TRPV2: variants seen among roughly 807,000 people sequenced by gnomAD.
The protein encoded by TRPV2 is OTRPC2.
TRPV2 carries 58 observed loss-of-function variants against 91.0 expected under a neutral mutation model. The observed-to-expected ratio is 0.64, with a 90% CI of 0.52 to 0.79. The LOEUF (loss-of-function observed/expected upper bound fraction) is 0.79. TRPV2 is among the 30% of genes least tolerant of loss of function. TRPV2 has a pLI of 0.00. For missense variants in TRPV2, 807 were observed against 969.6 expected, an observed-to-expected ratio of 0.83 and a Z score of 2.23; for synonymous variants, 417 against 414.8, an observed-to-expected ratio of 1.01 and a Z score of -0.06.
chr17:16,431,281 ATATATACATATTTTTTTT>A (rs1160768924), intron 10 of TRPV2, among the ~76,000 whole-genome samples: 2 of 59,460 alleles, frequency 3.4e-5, no homozygotes, highest in African/African-American at 6.7e-5. Flanking sequence ...ATATATATAT[ATATATACATATTTTTTTT>A]TTTTTTTTTT....
At chr17:16,423,134 C>T (rs973093702) in intron 4 of TRPV2, among the ~76,000 whole-genome samples, 10 of 152,240 alleles carry the variant, frequency 6.6e-5, no homozygotes, top group African/African-American at 2.4e-4. Context: ...TGTGTGCCAC[C>T]ACATCCAGCA....
In TRPV2 at chr17:16,433,609, T is replaced by C. The variant is rs142650878; in HGVS notation, c.2025T>C (p.Tyr675=). The change falls in exon 13 of 15, where the codon TAT becomes TAC. Residue 675 remains tyrosine, a synonymous_variant. Transcript: ENST00000338560. The part of the protein sequence containing the change: ...AISVLEMENG[Y]WWCRKKQRAG... ...CTGTCCTGGAGATGGAGAATGGCTATTGGTGGTGCAGGAAGAAGCAGCGGG... is the reference window on the plus strand; with the variant it reads ...CTGTCCTGGAGATGGAGAATGGCTACTGGTGGTGCAGGAAGAAGCAGCGGG... The C allele has an allele frequency of 6.2e-6, 10 of 1,614,032 alleles. No individual in the cohort carries two copies. The highest frequency in any genetic ancestry group is 1.1e-5 in the South Asian group (1 of 91,088).
chr17:16,433,768 C>T (rs2142999645), intron 13 of TRPV2, 70 bp downstream of exon 13: 4 of 1,575,118 alleles, frequency 2.5e-6, no homozygotes, highest in Non-Finnish European at 3.4e-6. Flanking sequence ...CCCTGCAGTG[C>T]AGGGCACAGC....
chr17:16,418,193 T>C (rs867532827), intron 2 of TRPV2, among the ~76,000 whole-genome samples: 2 of 152,074 alleles, frequency 1.3e-5, no homozygotes, highest in Admixed American at 6.5e-5. Context: ...ATGGTCCCTG[T>C]TGGGGAAGGC....
intron 2 of TRPV2, among the ~76,000 whole-genome samples, chr17:16,419,691 G>T (rs1395977067): frequency 6.6e-6 from 1 of 152,212 alleles, no homozygotes; most frequent in African/African-American, 2.4e-5. Context: ...AGGCAGTGAT[G>T]CATGCAGCCA....
intron 2 of TRPV2, 103 bp from the exon 3 acceptor site, chr17:16,420,012 G>A: frequency 1.3e-6 from 2 of 1,486,850 alleles, no homozygotes; most frequent in Non-Finnish European, 1.8e-6. Context: ...TGAGGGGTGT[G>A]CAGTGTGTAC....
intron 13 of TRPV2, 174 bp from the exon 14 acceptor site, chr17:16,434,716 C>G (rs2093428111): frequency 7.1e-6 from 4 of 559,820 alleles, no homozygotes; most frequent in Non-Finnish European, 1.2e-5. Flanking sequence ...CAGGACAGGG[C>G]TCCAAGTGGG....
chr17:16,424,156 A>AT (rs1437006794), intron 5 of TRPV2, among the ~76,000 whole-genome samples: 5 of 126,820 alleles, frequency 3.9e-5, no homozygotes, highest in Admixed American at 8.1e-5. Flanking sequence ...CACCCAGCTA[A>AT]TTTTGTTTTT....
In TRPV2 at chr17:16,434,930, C is replaced by T. The variant is rs529598821; in HGVS notation, c.2155C>T (p.Pro719Ser). 1.2e-6 allele frequency: 2 copies of T among 1,611,968 alleles called. No homozygotes were observed. The highest frequency in any genetic ancestry group is 1.7e-5 in the Admixed American group (1 of 59,828). ...VNWASWEQTL[P>S]TLCEDPSGAG... Reference sequence around the variant, plus strand: ...CTGGGCTTCATGGGAGCAGACGCTGCCTACGCTGTGTGAGGACCCGTCAGG... The same window carrying T: ...CTGGGCTTCATGGGAGCAGACGCTGTCTACGCTGTGTGAGGACCCGTCAGG... The change falls in exon 14 of 15, where the codon CCT becomes TCT. Residue 719 changes from proline to serine, a missense_variant. Physicochemically the swap from Pro to Ser is moderately conservative, Grantham distance 74. Coordinates refer to ENST00000338560, the MANE Select transcript of TRPV2 (RefSeq NM_016113.5).
chr17:16,426,787 C>A lies in TRPV2; in HGVS notation c.1161C>A (p.Leu387=). 1 of 1,614,078 alleles carries A rather than the reference C, an allele frequency of 6.2e-7. No individual in the cohort carries two copies. The highest frequency in any genetic ancestry group is 8.5e-7 in the Non-Finnish European group (1 of 1,180,012). ...TGCTGCAGGCGAAATGGGATCTGCT[C>A]ATCCCCAAGTTCTTCTTAAACTTCC... ...NKLLQAKWDL[L]IPKFFLNFLC... is the part of the protein sequence containing the mutation. Residue 387 remains leucine, a synonymous_variant, in exon 7 of 15, where the codon CTC becomes CTA. Transcript: ENST00000338560. The surrounding 1 kb of genome is among the most constrained non-coding windows in gnomAD (Gnocchi z 6.0).
intron 10 of TRPV2, among the ~76,000 whole-genome samples, chr17:16,429,425 A>C (rs952502195): frequency 2.6e-5 from 4 of 152,178 alleles, no homozygotes; most frequent in Non-Finnish European, 5.9e-5. Flanking sequence ...CCTGAAGCTG[A>C]TGTTCTGGTG....
intron 14 of TRPV2, among the ~76,000 whole-genome samples, chr17:16,436,423 G>A (rs1268808096): frequency 1.3e-5 from 2 of 152,060 alleles, no homozygotes; most frequent in East Asian, 1.9e-4. Context: ...CGTCTCTGTC[G>A]GAAGTGCTCT....
In TRPV2 at chr17:16,434,890, G is replaced by T; in HGVS notation, c.2115G>T (p.Arg705Ser). 9 of 1,611,256 alleles carry T rather than the reference G, an allele frequency of 5.6e-6. No homozygotes were observed. Among genetic ancestry groups the T allele is most frequent in the Non-Finnish European group, 7.6e-6 (9 of 1,179,116 alleles). Residue 705 changes from arginine to serine, a missense_variant and splice_region_variant, in exon 14 of 15, where the codon AGG becomes AGT. Physicochemically the swap from Arg to Ser is moderately radical, Grantham distance 110 (BLOSUM62 -1). Coordinates refer to ENST00000338560, the MANE Select transcript of TRPV2 (RefSeq NM_016113.5). ...CTCAGAGCTGCTCTGTTGCCCTCAG[G>T]GTGGAGGAGGTGAACTGGGCTTCAT... Reference protein sequence around the residue: ...DGSPDERWCFRVEEVNWASWE... With the variant: ...DGSPDERWCFSVEEVNWASWE...
rs748158430 is a variant in TRPV2 at position 16,423,747 on chromosome 17, G to A, written c.904G>A (p.Ala302Thr). Residue 302 changes from alanine to threonine, a missense_variant, in exon 5 of 15, where the codon GCC becomes ACC. By Grantham distance (58) the Ala-to-Thr change is moderately conservative. Transcript: ENST00000338560. ...LQDLTPLKLA[A>T]KEGKIEIFRH... The stretch of plus-strand genomic sequence containing the variant: ...GGATCTCACGCCTCTGAAGCTGGCC[G>A]CCAAGGAGGGCAAGATCGAGGTGAG... The A allele has an allele frequency of 3.8e-6, 6 of 1,584,720 alleles. No homozygotes were observed. The highest frequency in any genetic ancestry group is 2.3e-5 in the East Asian group (1 of 44,394).
Position 16,434,943 on chromosome 17 carries a change from A to G in TRPV2, c.2168A>G (p.Glu723Gly). Reference protein sequence around the residue: ...SWEQTLPTLCEDPSGAGVPRT... With the variant: ...SWEQTLPTLCGDPSGAGVPRT... The stretch of plus-strand genomic sequence containing the variant: ...GAGCAGACGCTGCCTACGCTGTGTG[A>G]GGACCCGTCAGGGGCAGGTGTCCCT... The change falls in exon 14 of 15, where the codon GAG (glutamate) becomes GGG (glycine). Residue 723 changes from glutamate (E) to glycine (G), a missense_variant. Glu to Gly is a moderately conservative substitution (Grantham distance 98). Coordinates refer to ENST00000338560, the MANE Select transcript of TRPV2 (RefSeq NM_016113.5). 6.2e-7 allele frequency: 1 copy of G among 1,610,974 alleles called. No homozygotes were observed. The highest frequency in any genetic ancestry group is 8.5e-7 in the Non-Finnish European group (1 of 1,178,672).
chr17:16,418,208 G>A (rs148095669), intron 2 of TRPV2, among the ~76,000 whole-genome samples: 105 of 152,100 alleles, frequency 6.9e-4, no homozygotes, highest in African/African-American at 2.4e-3. Context: ...GAAGGCAGCA[G>A]GATCCACACT....
At chr17:16,422,288 A>G (rs1600964744) in intron 3 of TRPV2, among the ~76,000 whole-genome samples, 1 of 147,870 alleles carries the variant, frequency 6.8e-6, no homozygotes, top group Non-Finnish European at 1.5e-5. Flanking sequence ...GCGCCACTGC[A>G]CTCCAGCCTG....
At chr17:16,432,865 G>C (rs1475152539) in intron 12 of TRPV2, among the ~76,000 whole-genome samples, 1 of 151,344 alleles carries the variant, frequency 6.6e-6, no homozygotes, top group Non-Finnish European at 1.5e-5. Flanking sequence ...GAGTGCAATG[G>C]TGCAATCTTG....
At chr17:16,431,887 G>A (rs751583028) in intron 11 of TRPV2, 37 bp downstream of exon 11, 10 of 1,613,408 alleles carry the variant, frequency 6.2e-6, no homozygotes, top group Middle Eastern at 1.7e-4. Context: ...CCTTCCCCAC[G>A]TTCCTTGTCC....
Sources: gnomAD v4.1 joint callset for allele counts (sites outside exome capture counted in the v4.1 genomes callset) on GRCh38, gnomAD v4.1.1 for gene constraint, Gnocchi (gnomAD v3.1) non-coding constraint, MANE v1.5 for transcripts, NCBI Gene and HGNC (gene_info 2026-07-23, HGNC 2026-07-21) for gene names.